FAM200B: variants seen among roughly 807,000 people sequenced by gnomAD.
The protein encoded by FAM200B is protein FAM200B.
A neutral mutation model predicts 33.1 loss-of-function variants in FAM200B; 32 were observed. The observed-to-expected ratio is 0.97, with a 90% CI of 0.73 to 1.30. The LOEUF (loss-of-function observed/expected upper bound fraction) is 1.30. Among genes scored for constraint, FAM200B ranks in the 50% most tolerant of loss-of-function variants. FAM200B has a pLI of 0.00. For missense variants in FAM200B, 741 were observed against 754.0 expected (o/e 0.98, Z 0.20); for synonymous variants, 240 against 264.8 (o/e 0.91, Z 0.91).
At chr4:15,657,249 T>C in the FAM200B span, among the ~76,000 whole-genome samples, 23 of 152,208 alleles carry the variant, frequency 1.5e-4, no homozygotes, top group Admixed American at 1.2e-3. Context: ...ACCAGTTATA[T>C]AGAGAAATGA....
At chr4:15,638,624 G>C in the FAM200B span, 1 of 1,613,260 alleles carries the variant, frequency 6.2e-7, no homozygotes, top group Non-Finnish European at 8.5e-7. Context: ...GCAGTGTTGT[G>C]CAATCACTTT....
chr4:15,654,463 C>T, the FAM200B span, among the ~76,000 whole-genome samples: 1 of 152,140 alleles, frequency 6.6e-6, no homozygotes, highest in Non-Finnish European at 1.5e-5. Context: ...ACCAACTTTT[C>T]CTGAGGCCCC....
Position 15,687,635 on chromosome 4 carries a change from C to T in FAM200B, c.658C>T (p.Gln220Ter), listed in dbSNP as rs1718999740. 1.3e-6 allele frequency: 2 copies of T among 1,550,946 alleles called. No homozygotes were observed. Among genetic ancestry groups the T allele is most frequent in the East Asian group, 2.4e-5 (1 of 40,892 alleles). Reference sequence around the variant, plus strand: ...AGAAACAATGCTTATTACTCGTTTACAGTCTGGTATAGATTTTGCAATCCA... The same window carrying T: ...AGAAACAATGCTTATTACTCGTTTATAGTCTGGTATAGATTTTGCAATCCA... Reference protein sequence around the residue: ...HLETMLITRLQSGIDFAIQLD... With the variant: ...HLETMLITRL The change falls in exon 2 of 2, where the codon CAG (glutamine) becomes TAG (stop). Residue 220 changes from glutamine to a stop codon, truncating the protein, a stop_gained. Transcript: ENST00000422728. LOFTEE classifies it high-confidence loss of function.
chr4:15,646,955 G>C, the FAM200B span, among the ~76,000 whole-genome samples: 1 of 151,886 alleles, frequency 6.6e-6, no homozygotes, highest in African/African-American at 2.4e-5. Flanking sequence ...GGGCATGGTG[G>C]CTCACACCTG....
chr4:15,655,309 C>G, the FAM200B span: 1 of 1,379,954 alleles, frequency 7.2e-7, no homozygotes, highest in African/African-American at 1.5e-5. Context: ...CAGCCTCCGC[C>G]TCAGCAGCCG....
Position 15,689,730 on chromosome 4 carries a change from T to A in FAM200B, c.*779T>A, listed in dbSNP as rs1288010150. 6.2e-6 allele frequency: 1 copy of A among 161,106 alleles called. No homozygotes were observed. The highest frequency in any genetic ancestry group is 1.5e-5 in the Non-Finnish European group (1 of 68,134). 10.0% of individuals were successfully genotyped at this position (161,106 alleles called of 1,614,324 possible). A position where few individuals can be genotyped will look rare whatever the true frequency, so the allele number is the denominator to read the frequency against. On this transcript the variant is annotated 3_prime_UTR_variant, in exon 2 of 2. Transcript: ENST00000422728. ...AGTTTGAAGTTGCAGTCATCTATGA[T>A]TGCACCACTGCAGTCCAGCCTGAGC...
At chr4:15,667,698 T>A in the FAM200B span, among the ~76,000 whole-genome samples, 1 of 152,084 alleles carries the variant, frequency 6.6e-6, no homozygotes, top group South Asian at 2.1e-4. Context: ...GAAGATATGA[T>A]AAATAAAACA....
At chr4:15,657,366 TA>T in the FAM200B span, among the ~76,000 whole-genome samples, 1 of 152,236 alleles carries the variant, frequency 6.6e-6, no homozygotes, top group African/African-American at 2.4e-5. Context: ...GGGTAGTTCA[TA>T]GCACTGTGTA....
At chr4:15,641,571 TAATTGTTATTC>T in the FAM200B span, 1 of 456,720 alleles carries the variant, frequency 2.2e-6, no homozygotes, top group Admixed American at 2.4e-5. Flanking sequence ...ATACATGAAA[TAATTGTTATTC>T]GATTGTTTTA....
the FAM200B span, among the ~76,000 whole-genome samples, chr4:15,660,737 G>T: frequency 6.6e-6 from 1 of 152,128 alleles, no homozygotes; most frequent in Admixed American, 6.5e-5. Context: ...ACTCTCCCAG[G>T]CTGACTTGTT....
chr4:15,690,324 A>T lies in FAM200B; in HGVS notation c.*1373A>T, dbSNP rs1005536644. Reference sequence around the variant, plus strand: ...GTCATTGTCATTAAAATCATACAGGATAGTAATTCCTTTCCATCTGCTACC... The same window carrying T: ...GTCATTGTCATTAAAATCATACAGGTTAGTAATTCCTTTCCATCTGCTACC... On this transcript the variant is annotated 3_prime_UTR_variant, in exon 2 of 2. Transcript: ENST00000422728. The T allele has an allele frequency of 1.8e-5, 3 of 167,086 alleles. No homozygotes were observed. Among genetic ancestry groups the T allele is most frequent in the Non-Finnish European group, 4.4e-5 (3 of 68,104 alleles). The allele number at this position is 167,086 out of a possible 1,614,324, so 10.4% of individuals were successfully genotyped here. A position where few individuals can be genotyped will look rare whatever the true frequency, so the allele number is the denominator to read the frequency against.
chr4:15,644,139 T>C, the FAM200B span, among the ~76,000 whole-genome samples: 3 of 152,352 alleles, frequency 2.0e-5, no homozygotes, highest in Admixed American at 6.5e-5. Flanking sequence ...GATCCTTCAA[T>C]ATGTTACTAT....
chr4:15,644,455 C>A, the FAM200B span: 2 of 1,533,510 alleles, frequency 1.3e-6, no homozygotes, highest in African/African-American at 3.0e-5. Context: ...GAAGATGGCA[C>A]AAGTTTTGAC....
At chr4:15,660,811 G>A in the FAM200B span, among the ~76,000 whole-genome samples, 1 of 152,208 alleles carries the variant, frequency 6.6e-6, no homozygotes, top group South Asian at 2.1e-4. Context: ...CAGCACGGTG[G>A]CTCACGCCTG....
the FAM200B span, among the ~76,000 whole-genome samples, chr4:15,674,201 C>A: frequency 7.4e-6 from 1 of 136,048 alleles, no homozygotes; most frequent in Non-Finnish European, 1.6e-5. Context: ...TCAAATGCAT[C>A]GTGTTTTTTT....
At chr4:15,654,764 G>A in the FAM200B span, among the ~76,000 whole-genome samples, 1 of 152,180 alleles carries the variant, frequency 6.6e-6, no homozygotes, top group Non-Finnish European at 1.5e-5. Flanking sequence ...AACAGGCCCG[G>A]GGGAGTGACG....
chr4:15,657,128 A>G, the FAM200B span, among the ~76,000 whole-genome samples: 347 of 152,234 alleles, frequency 2.3e-3, no homozygotes, highest in Non-Finnish European at 4.1e-3. Flanking sequence ...CTTTGCCTCT[A>G]TATTTTTTAA....
chr4:15,655,158 A>T, the FAM200B span: 1 of 1,332,020 alleles, frequency 7.5e-7, no homozygotes, highest in Non-Finnish European at 9.9e-7. Context: ...CCCGCTCCCC[A>T]TCGCCGCCCG....
the FAM200B span, among the ~76,000 whole-genome samples, chr4:15,648,299 C>T: frequency 0.091 from 13,895 of 152,160 alleles, 776 homozygotes; most frequent in Non-Finnish European, 0.12. Flanking sequence ...GGAATTGGTA[C>T]AGCCATTATG....
Sources: allele counts gnomAD v4.1 joint callset (sites outside exome capture counted in the v4.1 genomes callset), GRCh38; gene constraint gnomAD v4.1.1; transcripts MANE v1.5; gene names NCBI Gene and HGNC (gene_info 2026-07-23, HGNC 2026-07-21).